GABBR2: variants seen among roughly 807,000 people sequenced by gnomAD.
GABBR2 encodes G-protein coupled receptor 51.
GABBR2 carries 23 observed loss-of-function variants against 105.6 expected under a neutral mutation model. That is an observed-to-expected ratio of 0.22 (90% CI 0.16 to 0.31). GABBR2 has a LOEUF of 0.31. Ranked by LOEUF, GABBR2 falls within the 10% of genes least tolerant of loss-of-function variation. The pLI, the probability that GABBR2 is intolerant of heterozygous loss-of-function variation, is 1.00. For missense variants in GABBR2, 734 were observed against 1,245.5 expected (o/e 0.59, Z 6.18); for synonymous variants, 478 against 499.7 (o/e 0.96, Z 0.58).
chr9:98,657,898 G>T (rs1209631649), intron 1 of GABBR2, among the ~76,000 whole-genome samples: 1 of 152,130 alleles, frequency 6.6e-6, no homozygotes, highest in African/African-American at 2.4e-5. Context: ...TTTGTCTTCT[G>T]CCATGACTGT....
chr9:98,388,539 C>T lies in GABBR2; in HGVS notation c.1529+315G>A, dbSNP rs973532747. Among the ~76,000 whole-genome samples the T allele has an allele frequency of 2.0e-5, 3 of 152,002 alleles. No homozygotes were observed. Among genetic ancestry groups the T allele is most frequent in the East Asian group, 1.9e-4 (1 of 5,182 alleles). On this transcript the variant is annotated intron_variant, in intron 10 of 18. Transcript: ENST00000259455. The surrounding 1 kb of genome is among the most constrained non-coding windows in gnomAD (Gnocchi z 4.4). The stretch of plus-strand genomic sequence containing the variant: ...GTATATCCAAAGCTCTGAGAAGGCC[C>T]GTGGACTTGGACTCTTCGATTTTAT...
At chr9:98,312,537 A>G (rs2131363931) in intron 13 of GABBR2, among the ~76,000 whole-genome samples, 1 of 152,346 alleles carries the variant, frequency 6.6e-6, no homozygotes, top group Admixed American at 6.5e-5. Flanking sequence ...TAATTAATAA[A>G]TAATCTGTGG....
intron 2 of GABBR2, among the ~76,000 whole-genome samples, chr9:98,558,033 C>A (rs1317717307): frequency 6.6e-6 from 1 of 152,056 alleles, no homozygotes; most frequent in Non-Finnish European, 1.5e-5. Flanking sequence ...TAAACAATTA[C>A]AGAATGAGTT....
chr9:98,322,402 G>A (rs898465078), intron 13 of GABBR2, among the ~76,000 whole-genome samples: 1 of 152,000 alleles, frequency 6.6e-6, no homozygotes, highest in Non-Finnish European at 1.5e-5. Context: ...TCTCCCCTTT[G>A]CCTTCCCTCC....
chr9:98,576,129 C>T (rs1246078126), intron 2 of GABBR2, among the ~76,000 whole-genome samples: 2 of 152,228 alleles, frequency 1.3e-5, no homozygotes, highest in African/African-American at 4.8e-5. Flanking sequence ...TTGGGCTCCA[C>T]CCCAGCACCC....
chr9:98,405,902 GA>G lies in GABBR2; in HGVS notation c.1297+178del, dbSNP rs56372328. 0.18 allele frequency among the ~76,000 whole-genome samples: 26,619 copies of G among 152,076 alleles called. 3,046 individuals carry two copies. The highest frequency in any genetic ancestry group is 0.32 in the African/African-American group (13,359 of 41,434). Reference sequence around the variant, plus strand: ...GGAGGGCTGATCATGATGCGGCTGAGAAAAAAATATTCCAAATAGGTTGAAA... The same window carrying G: ...GGAGGGCTGATCATGATGCGGCTGAGAAAAAATATTCCAAATAGGTTGAAA... On this transcript the variant is annotated intron_variant, in intron 8 of 18. Transcript: ENST00000259455.
At position 98,290,435 on chromosome 9, in the gene GABBR2, G is replaced by C. The variant is rs1830284425; in HGVS notation, c.*149C>G. 3 of 442,130 alleles carry C rather than the reference G, an allele frequency of 6.8e-6. No individual in the cohort carries two copies. The highest frequency in any genetic ancestry group is 1.1e-5 in the Non-Finnish European group (3 of 261,452). 27.4% of individuals were successfully genotyped at this position (442,130 alleles called of 1,614,324 possible). On this transcript the variant is annotated 3_prime_UTR_variant, in exon 19 of 19. Coordinates refer to ENST00000259455, the MANE Select transcript of GABBR2 (RefSeq NM_005458.8). ...GCCAAGTCTCCCCCTGCCCCGTCCT[G>C]TCCACCTGAGTGCCATCCGAGTGGT...
chr9:98,585,599 A>T (rs946215539), intron 1 of GABBR2, among the ~76,000 whole-genome samples: 1 of 151,772 alleles, frequency 6.6e-6, no homozygotes, highest in Non-Finnish European at 1.5e-5. Context: ...TATGTAACAA[A>T]CCTGCACGTT....
At chr9:98,365,598 T>C (rs1489974421) in intron 12 of GABBR2, among the ~76,000 whole-genome samples, 2 of 152,248 alleles carry the variant, frequency 1.3e-5, no homozygotes, top group African/African-American at 4.8e-5. Flanking sequence ...TTTTTATTTA[T>C]TAATTGTAGA....
chr9:98,572,859 G>GC lies in GABBR2; in HGVS notation c.459+5075dup, dbSNP rs200871398. Among the ~76,000 whole-genome samples, 694 of 152,168 alleles carry GC rather than the reference G, an allele frequency of 4.6e-3. 1 individual carries two copies. Among genetic ancestry groups the GC allele is most frequent in the African/African-American group, 0.016 (651 of 41,498 alleles). On this transcript the variant is annotated intron_variant, in intron 2 of 18. Coordinates refer to ENST00000259455, the MANE Select transcript of GABBR2 (RefSeq NM_005458.8). ...ACTGTTGAGTACCCTCCAGTTCCAAGCCCCCCCAGCATGCCCCATCCACGT... is the reference window on the plus strand; with the variant it reads ...ACTGTTGAGTACCCTCCAGTTCCAAGCCCCCCCCAGCATGCCCCATCCACGT...
intron 1 of GABBR2, chr9:98,608,091 C>A: frequency 7.6e-7 from 1 of 1,310,748 alleles, no homozygotes; most frequent in Non-Finnish European, 1.1e-6. Flanking sequence ...ACGAACTCTT[C>A]GAGAACCTTG....
intron 1 of GABBR2, among the ~76,000 whole-genome samples, chr9:98,598,607 G>A (rs188549564): frequency 9.7e-4 from 117 of 120,574 alleles, no homozygotes; most frequent in African/African-American, 3.3e-3. Flanking sequence ...CCAAACGTGC[G>A]TAACCAGTGT....
rs543803124 is a variant in GABBR2, at chr9:98,549,040, C to T, written c.460-6997G>A. Among the ~76,000 whole-genome samples, 40 of 121,526 alleles carry T rather than the reference C, an allele frequency of 3.3e-4. 15 individuals carry two copies. Among genetic ancestry groups the T allele is most frequent in the Non-Finnish European group, 6.9e-4 (37 of 53,936 alleles). The allele number at this position is 121,526 out of a possible 152,430, so 79.7% of individuals were successfully genotyped here. ...AACCTCCGCCTCCCGATTGTTCAAG[C>T]GATTCTCCTGCCTCAGCCTCCCAAG... is the stretch of plus-strand genomic sequence containing the variant. On this transcript the variant is annotated intron_variant, in intron 2 of 18. Coordinates refer to ENST00000259455, the MANE Select transcript of GABBR2 (RefSeq NM_005458.8).
intron 8 of GABBR2, among the ~76,000 whole-genome samples, chr9:98,403,020 G>A (rs1012779270): frequency 6.6e-6 from 1 of 152,130 alleles, no homozygotes; most frequent in Non-Finnish European, 1.5e-5. Context: ...TGTAGGCCAG[G>A]CGCAGTGGCT....
At chr9:98,434,850 G>A (rs1235756265) in intron 7 of GABBR2, among the ~76,000 whole-genome samples, 2 of 152,244 alleles carry the variant, frequency 1.3e-5, no homozygotes, top group African/African-American at 2.4e-5. Flanking sequence ...AGTTTGTGAG[G>A]ACCCTGAGAT....
intron 1 of GABBR2, among the ~76,000 whole-genome samples, chr9:98,625,250 C>T (rs1829720218): frequency 6.6e-6 from 1 of 152,252 alleles, no homozygotes; most frequent in Non-Finnish European, 1.5e-5. Flanking sequence ...CTGCCCTACT[C>T]CCACATTTAC....
chr9:98,564,560 C>T (rs563954000), intron 2 of GABBR2, among the ~76,000 whole-genome samples: 27 of 152,346 alleles, frequency 1.8e-4, no homozygotes, highest in African/African-American at 5.5e-4. Context: ...AGGAGAATAA[C>T]AGCCTCTTAG....
chr9:98,637,160 C>G (rs1195893866), intron 1 of GABBR2, among the ~76,000 whole-genome samples: 1 of 152,192 alleles, frequency 6.6e-6, no homozygotes, highest in Non-Finnish European at 1.5e-5. Flanking sequence ...TTCCCAGCCT[C>G]TGCAGTGAGT....
At chr9:98,706,028 A>T (rs985107813) in intron 1 of GABBR2, among the ~76,000 whole-genome samples, 3 of 151,884 alleles carry the variant, frequency 2.0e-5, no homozygotes, top group Non-Finnish European at 2.9e-5. Flanking sequence ...GTGAGCCAAG[A>T]TCACGCCAAT....
Sources: allele counts gnomAD v4.1 joint callset (sites outside exome capture counted in the v4.1 genomes callset), GRCh38; gene constraint gnomAD v4.1.1; non-coding constraint Gnocchi (gnomAD v3.1); transcripts MANE v1.5; gene names NCBI Gene and HGNC (gene_info 2026-07-23, HGNC 2026-07-21).